OXNAD1: variants seen among roughly 807,000 people sequenced by gnomAD.
OXNAD1 encodes oxidoreductase NAD-binding domain-containing protein 1.
Under a neutral mutation model 32.9 loss-of-function variants are expected in OXNAD1, and 34 were observed. The observed-to-expected ratio is 1.03, with a 90% CI of 0.79 to 1.38. OXNAD1 has a LOEUF of 1.38. OXNAD1 is among the 40% of genes most tolerant of loss of function. The pLI, the probability that OXNAD1 is intolerant of heterozygous loss-of-function variation, is 0.00. For synonymous variants in OXNAD1, 134 were observed against 135.2 expected (o/e 0.99, Z 0.06); for missense variants, 407 against 379.4 (o/e 1.07, Z -0.60).
At chr3:16,266,313 T>C (rs2064495062) in intron 1 of OXNAD1, among the ~76,000 whole-genome samples, 2 of 152,202 alleles carry the variant, frequency 1.3e-5, no homozygotes, top group Non-Finnish European at 2.9e-5. Flanking sequence ...ATACATAATA[T>C]ATCCCTGTGC....
intron 4 of OXNAD1, among the ~76,000 whole-genome samples, chr3:16,281,158 T>A (rs2065711373): frequency 6.6e-6 from 1 of 152,246 alleles, no homozygotes; most frequent in South Asian, 2.1e-4. Context: ...GTTGATGTTT[T>A]TAATCCACAT....
chr3:16,281,581 C>T (rs1327545569), intron 4 of OXNAD1, among the ~76,000 whole-genome samples: 1 of 152,230 alleles, frequency 6.6e-6, no homozygotes, highest in East Asian at 1.9e-4. Flanking sequence ...CTCAGCCTGT[C>T]ATACCAATAA....
rs1369068359 is a variant in OXNAD1 at position 16,344,239 on chromosome 3, C to A, written c.*31-4937C>A. ...ATTGGGCTGGTTTTTGTCCAACATT[C>A]ATATACTAAGAAGTAACAGATTGGA... On this transcript the variant is annotated intron_variant, in intron 9 of 9. Coordinates refer to the OXNAD1 transcript ENST00000606098. The surrounding 1 kb of genome is among the most constrained non-coding windows in gnomAD (Gnocchi z 4.4). Among the ~76,000 whole-genome samples the A allele has an allele frequency of 6.6e-6, 1 of 151,952 alleles. No individual in the cohort carries two copies. The highest frequency in any genetic ancestry group is 1.5e-5 in the Non-Finnish European group (1 of 68,010).
At position 16,327,648 on chromosome 3, in the gene OXNAD1, C is replaced by T. The variant is rs914419781; in HGVS notation, c.*31-9464C>T. ...TGGTGGCGGGCGCCTGTAGTCCCAGCTACTCGGGAGGCTGAGGCAGGAGAA... is the reference window on the plus strand; with the variant it reads ...TGGTGGCGGGCGCCTGTAGTCCCAGTTACTCGGGAGGCTGAGGCAGGAGAA... On this transcript the variant is annotated intron_variant, in intron 9 of 9. Transcript: ENST00000435829. The surrounding 1 kb of genome is among the most constrained non-coding windows in gnomAD (Gnocchi z 4.2). Among the ~76,000 whole-genome samples, 3 of 152,074 alleles carry T rather than the reference C, an allele frequency of 2.0e-5. No individual in the cohort carries two copies. Among genetic ancestry groups the T allele is most frequent in the African/African-American group, 7.2e-5 (3 of 41,400 alleles).
At chr3:16,347,009 T>C (rs2071766393) in intron 9 of OXNAD1, among the ~76,000 whole-genome samples, 1 of 152,232 alleles carries the variant, frequency 6.6e-6, no homozygotes, top group Non-Finnish European at 1.5e-5. Flanking sequence ...GATTTCCTGC[T>C]ATGAACGGTG....
chr3:16,313,223 T>TTTTTTTTTTTTTTTTTTA (rs1186728981), intron 9 of OXNAD1, among the ~76,000 whole-genome samples: 1 of 150,046 alleles, frequency 6.7e-6, no homozygotes, highest in Non-Finnish European at 1.5e-5. Flanking sequence ...TTTTTTTTTT[T>TTTTTTTTTTTTTTTTTTA]GCAGAGGCAA....
chr3:16,341,043 A>G (rs9866931), downstream of OXNAD1, among the ~76,000 whole-genome samples: 1,855 of 152,376 alleles, frequency 0.012, 27 homozygotes, highest in African/African-American at 0.042. The surrounding 1 kb of genome is among the most constrained non-coding windows in gnomAD (Gnocchi z 4.7). Context: ...GTAGCAAATA[A>G]TAAGCATATA....
At chr3:16,342,133 A>G (rs78219776), downstream of OXNAD1, among the ~76,000 whole-genome samples, 611 of 152,274 alleles carry the variant, frequency 4.0e-3, 5 homozygotes, top group African/African-American at 0.014. The surrounding 1 kb of genome is among the most constrained non-coding windows in gnomAD (Gnocchi z 4.0). Context: ...CATCACCACA[A>G]TCTAAGTTTA....
intron 5 of OXNAD1, among the ~76,000 whole-genome samples, chr3:16,292,192 CTTT>C (rs34684511): frequency 3.0e-5 from 4 of 134,528 alleles, no homozygotes; most frequent in Non-Finnish European, 3.2e-5. Flanking sequence ...GTCTTCTTAA[CTTT>C]TTTTTTTTTT....
At position 16,289,360 on chromosome 3, in the gene OXNAD1, C is replaced by G. The variant is rs1189035956; in HGVS notation, c.290+2912C>G. Among the ~76,000 whole-genome samples, 1 of 152,170 alleles carries G rather than the reference C, an allele frequency of 6.6e-6. No individual in the cohort carries two copies. On this transcript the variant is annotated intron_variant, in intron 5 of 8. Coordinates refer to ENST00000285083, the MANE Select transcript of OXNAD1 (RefSeq NM_138381.5). The surrounding 1 kb of genome is among the most constrained non-coding windows in gnomAD (Gnocchi z 4.9). ...CAGTCAGTACTCAATCCACACTTGG[C>G]TGGGTATAGCTTGCCTCCTGAGGGG...
chr3:16,308,089 AAG>A (rs1315842566), downstream of OXNAD1, among the ~76,000 whole-genome samples: 1 of 152,232 alleles, frequency 6.6e-6, no homozygotes, highest in African/African-American at 2.4e-5. The surrounding 1 kb of genome is among the most constrained non-coding windows in gnomAD (Gnocchi z 4.4). Context: ...GTATAAGACA[AAG>A]GTTATCTTAG....
Position 16,302,873 on chromosome 3 carries a change from G to T in OXNAD1, c.784+125G>T. The T allele has an allele frequency of 1.4e-6, 1 of 734,828 alleles. No homozygotes were observed. The allele number at this position is 734,828 out of a possible 1,614,324, so 45.5% of individuals were successfully genotyped here. A position where few individuals can be genotyped will look rare whatever the true frequency, so the allele number is the denominator to read the frequency against. On this transcript the variant is annotated intron_variant, in intron 8 of 8. Coordinates refer to ENST00000285083, the MANE Select transcript of OXNAD1 (RefSeq NM_138381.5). The surrounding 1 kb of genome is among the most constrained non-coding windows in gnomAD (Gnocchi z 4.2). ...GGGAATGTCACTATCTGGGGAATTG[G>T]GATGATTCCTCATGGAAAAATGGAT...
intron 9 of OXNAD1, among the ~76,000 whole-genome samples, chr3:16,333,911 A>C (rs2070586592): frequency 1.3e-5 from 2 of 152,108 alleles, no homozygotes; most frequent in Non-Finnish European, 2.9e-5. Flanking sequence ...CACGCCTGTA[A>C]TCCCAGCACT....
rs1041339077 is a variant in OXNAD1, at chr3:16,342,564, A to G, written c.*31-6612A>G. The stretch of plus-strand genomic sequence containing the variant: ...AATATAGGGGTGGAATTGCTGGGTC[A>G]TATGGTAACTATGTTTAACATTTTG... On this transcript the variant is annotated intron_variant, in intron 9 of 9. Transcript: ENST00000606098. This position sits in a 1 kb window ranked among gnomAD's most constrained non-coding sequence, Gnocchi z 4.0. Among the ~76,000 whole-genome samples the G allele has an allele frequency of 6.6e-5, 10 of 152,218 alleles. No homozygotes were observed. Among genetic ancestry groups the G allele is most frequent in the Admixed American group, 2.6e-4 (4 of 15,272 alleles).
downstream of OXNAD1, among the ~76,000 whole-genome samples, chr3:16,337,760 AAAG>A (rs1284096876): frequency 7.2e-5 from 11 of 152,084 alleles, no homozygotes; most frequent in South Asian, 2.1e-4. This position sits in a 1 kb window ranked among gnomAD's most constrained non-coding sequence, Gnocchi z 5.0. Context: ...AAAAAAAAGA[AAAG>A]AAAGTCACCT....
rs771805674 is a variant in OXNAD1 at position 16,287,627 on chromosome 3, G to C, written c.290+1179G>C. Among the ~76,000 whole-genome samples the C allele has an allele frequency of 9.2e-5, 14 of 152,164 alleles. No individual in the cohort carries two copies. The highest frequency in any genetic ancestry group is 1.8e-4 in the Non-Finnish European group (12 of 68,020). ...TGGAAATGTTTGTGTCCTGTGCAAA[G>C]CACTGTCTCCGTGCCTTCAACTCTG... On this transcript the variant is annotated intron_variant, in intron 5 of 8. Transcript: ENST00000285083. The surrounding 1 kb of genome is among the most constrained non-coding windows in gnomAD (Gnocchi z 4.8).
chr3:16,335,776 T>TAAA lies in OXNAD1; in HGVS notation c.*31-1319_*31-1317dup, dbSNP rs540104859. On this transcript the variant is annotated intron_variant, in intron 9 of 9. Transcript: ENST00000435829. The surrounding 1 kb of genome is among the most constrained non-coding windows in gnomAD (Gnocchi z 4.7). ...ATCCTGCACTTGCACCCTGGAACTTTAAAAAAAAAAAAAAAAAAAGGAGTT... is the reference window on the plus strand; with the variant it reads ...ATCCTGCACTTGCACCCTGGAACTTTAAAAAAAAAAAAAAAAAAAAAAGGAGTT... Among the ~76,000 whole-genome samples, 2 of 136,644 alleles carry TAAA rather than the reference T, an allele frequency of 1.5e-5. No homozygotes were observed. The highest frequency in any genetic ancestry group is 1.5e-4 in the Admixed American group (2 of 13,638). The allele number at this position is 136,644 out of a possible 152,430, so 89.6% of individuals were successfully genotyped here.
rs928263997 is a variant in OXNAD1 at position 16,280,570 on chromosome 3, T to C, written c.184-5772T>C. 6.6e-6 allele frequency among the ~76,000 whole-genome samples: 1 copy of C among 152,124 alleles called. No individual in the cohort carries two copies. Among genetic ancestry groups the C allele is most frequent in the Non-Finnish European group, 1.5e-5 (1 of 68,000 alleles). On this transcript the variant is annotated intron_variant, in intron 4 of 8. Transcript: ENST00000285083. The surrounding 1 kb of genome is among the most constrained non-coding windows in gnomAD (Gnocchi z 4.5). ...TATGATTCTTGATAATGACTAAAGT[T>C]TCCTTCAATTCTGAAATTCTCTGAA...
chr3:16,278,194 T>A (rs967397229), intron 4 of OXNAD1, among the ~76,000 whole-genome samples: 1 of 152,250 alleles, frequency 6.6e-6, no homozygotes, highest in African/African-American at 2.4e-5. Flanking sequence ...AAATGATAGA[T>A]AAGCTCCTAT....
Sources: gnomAD v4.1 joint callset for allele counts (sites outside exome capture counted in the v4.1 genomes callset) on GRCh38, gnomAD v4.1.1 for gene constraint, Gnocchi (gnomAD v3.1) non-coding constraint, MANE v1.5 for transcripts, NCBI Gene and HGNC (gene_info 2026-07-23, HGNC 2026-07-21) for gene names.